STK3: variants seen among roughly 807,000 people sequenced by gnomAD.
STK3 encodes the protein serine/threonine kinase 3.
In STK3, 41 loss-of-function variants were observed where a neutral mutation model predicts 58.0. The ratio of observed to expected loss-of-function variants is 0.71; its 90% confidence interval spans 0.55 to 0.92. The LOEUF is 0.92. STK3 is among the 40% of genes least tolerant of loss of function. STK3 has a pLI of 0.00. For synonymous variants in STK3, 170 were observed against 191.0 expected (o/e 0.89, Z 0.91); for missense variants, 479 against 602.7 (o/e 0.79, Z 2.15).
chr8:98,465,213 T>TA (rs1217703033), intron 10 of STK3, among the ~76,000 whole-genome samples: 1 of 152,112 alleles, frequency 6.6e-6, no homozygotes, highest in Non-Finnish European at 1.5e-5. Flanking sequence ...TGAGGATGCT[T>TA]AGAGAGATCA....
chr8:98,832,244 G>GAA lies in STK3; in HGVS notation c.110+51401_110+51402dup, dbSNP rs756031604. On this transcript the variant is annotated intron_variant, in intron 3 of 12. Coordinates refer to the STK3 transcript ENST00000523601. ...ATAGGTTATAGTGCCTCCTTTTCGT[G>GAA]AAAAAAAAAAAATATATATATATAT... is the stretch of plus-strand genomic sequence containing the variant. Among the ~76,000 whole-genome samples, 96 of 125,834 alleles carry GAA rather than the reference G, an allele frequency of 7.6e-4. 1 individual carries two copies. The highest frequency in any genetic ancestry group is 5.4e-3 in the Admixed American group (61 of 11,302). 82.6% of individuals were successfully genotyped at this position (125,834 alleles called of 152,430 possible). A position where few individuals can be genotyped will look rare whatever the true frequency, so the allele number is the denominator to read the frequency against.
chr8:98,453,500 T>C (rs1335735618), downstream of STK3, among the ~76,000 whole-genome samples: 2 of 152,214 alleles, frequency 1.3e-5, no homozygotes, highest in Non-Finnish European at 2.9e-5. Flanking sequence ...CTAAAATGTT[T>C]TGGAGTTTCC....
chr8:98,730,178 T>C (rs1828074699), intron 4 of STK3, among the ~76,000 whole-genome samples: 1 of 152,336 alleles, frequency 6.6e-6, no homozygotes, highest in Middle Eastern at 3.4e-3. Flanking sequence ...AGTCTTAATG[T>C]GCCCTTACAC....
At chr8:98,794,928 G>A (rs189843705) in intron 1 of STK3, among the ~76,000 whole-genome samples, 22 of 150,942 alleles carry the variant, frequency 1.5e-4, no homozygotes, top group Middle Eastern at 3.4e-3. Context: ...TTAGCCAGGC[G>A]TGGTGGTGCA....
At chr8:98,417,350 T>C (rs1477586095) in intron 3 of STK3, among the ~76,000 whole-genome samples, 3 of 151,962 alleles carry the variant, frequency 2.0e-5, no homozygotes, top group Admixed American at 2.0e-4. Context: ...CCATCTCTAC[T>C]AAAAATACAA....
intron 1 of STK3, among the ~76,000 whole-genome samples, chr8:98,926,954 G>A (rs186218648): frequency 7.9e-5 from 12 of 152,340 alleles, no homozygotes; most frequent in Non-Finnish European, 1.5e-4. Flanking sequence ...CAGGGGCATG[G>A]GGCCCGAATG....
chr8:98,888,324 TA>T (rs1438253865), intron 1 of STK3, among the ~76,000 whole-genome samples: 1 of 151,850 alleles, frequency 6.6e-6, no homozygotes, highest in African/African-American at 2.4e-5. Flanking sequence ...GTCTCAAAAA[TA>T]AAAAATTTTA....
At chr8:98,609,124 A>T (rs1816985350) in intron 6 of STK3, among the ~76,000 whole-genome samples, 1 of 152,208 alleles carries the variant, frequency 6.6e-6, no homozygotes, top group Non-Finnish European at 1.5e-5. Flanking sequence ...CTCATACTAC[A>T]TCACTGATTA....
Position 98,669,924 on chromosome 8 carries a change from A to G in STK3, c.684+36543T>C, listed in dbSNP as rs1308842640. Among the ~76,000 whole-genome samples the G allele has an allele frequency of 2.0e-5, 3 of 152,232 alleles. No individual in the cohort carries two copies. In the East Asian group the frequency reaches 5.8e-4, roughly 29 times the overall value. On this transcript the variant is annotated intron_variant, in intron 6 of 10. Transcript: ENST00000419617. Reference sequence around the variant, plus strand: ...TAGATGATAAAATGAAGAGATGTTCAGAAGGCTGTAGCTGCTAGCATTCTT... The same window carrying G: ...TAGATGATAAAATGAAGAGATGTTCGGAAGGCTGTAGCTGCTAGCATTCTT...
At chr8:98,500,824 G>C (rs62532755) in intron 10 of STK3, among the ~76,000 whole-genome samples, 6,741 of 152,210 alleles carry the variant, frequency 0.044, 212 homozygotes, top group Non-Finnish European at 0.07. Context: ...GGACGTTTGG[G>C]TTGGTTCCAA....
chr8:98,465,284 T>C (rs540581361), intron 10 of STK3, among the ~76,000 whole-genome samples: 1 of 152,306 alleles, frequency 6.6e-6, no homozygotes, highest in South Asian at 2.1e-4. Flanking sequence ...AGGCAACATC[T>C]AACCCACATA....
chr8:98,483,421 T>C (rs1027669031), intron 10 of STK3, among the ~76,000 whole-genome samples: 8 of 152,226 alleles, frequency 5.3e-5, no homozygotes, highest in African/African-American at 1.9e-4. Context: ...ATATTAATCA[T>C]ATAAAATGTT....
chr8:98,619,773 C>G (rs1215734657), intron 6 of STK3, among the ~76,000 whole-genome samples: 2 of 146,246 alleles, frequency 1.4e-5, no homozygotes, highest in Admixed American at 6.8e-5. Context: ...GAGATACCAT[C>G]TCACACCAGT....
At chr8:98,809,128 C>T (rs1016689904) in intron 1 of STK3, among the ~76,000 whole-genome samples, 13 of 152,352 alleles carry the variant, frequency 8.5e-5, no homozygotes, top group African/African-American at 3.1e-4. Context: ...CCCTTCCAGA[C>T]CTCACCCTAT....
At chr8:98,663,316 A>C (rs1478609913) in intron 6 of STK3, among the ~76,000 whole-genome samples, 1 of 152,174 alleles carries the variant, frequency 6.6e-6, no homozygotes, top group Non-Finnish European at 1.5e-5. Context: ...CAAAACCACA[A>C]TGAGATACCA....
At chr8:98,520,250 A>G (rs75574019) in intron 10 of STK3, among the ~76,000 whole-genome samples, 2 of 152,166 alleles carry the variant, frequency 1.3e-5, no homozygotes, top group Non-Finnish European at 2.9e-5. Context: ...AAATAATTCA[A>G]TTAGCCCAAA....
intron 6 of STK3, among the ~76,000 whole-genome samples, chr8:98,642,692 T>C (rs1443212615): frequency 6.6e-6 from 1 of 152,186 alleles, no homozygotes; most frequent in African/African-American, 2.4e-5. Flanking sequence ...ATGATTATTT[T>C]TAACCATCCT....
intron 3 of STK3, among the ~76,000 whole-genome samples, chr8:98,840,569 C>T (rs1277629100): frequency 1.8e-5 from 2 of 113,514 alleles, no homozygotes; most frequent in Non-Finnish European, 3.6e-5. Context: ...GACAACCTGT[C>T]TCAAGAAAAA....
chr8:98,759,982 G>GT (rs922265167), intron 3 of STK3, among the ~76,000 whole-genome samples: 1 of 151,462 alleles, frequency 6.6e-6, no homozygotes, highest in African/African-American at 2.4e-5. Context: ...CTAATACAAT[G>GT]TAAATGCTAT....
Sources: allele counts gnomAD v4.1 joint callset (sites outside exome capture counted in the v4.1 genomes callset), GRCh38; gene constraint gnomAD v4.1.1; transcripts MANE v1.5; gene names NCBI Gene and HGNC (gene_info 2026-07-23, HGNC 2026-07-21).